Variants in ZNF185 observed in about 807,000 individuals in gnomAD.
The protein encoded by ZNF185 is zinc finger protein 185 with LIM domain.
A neutral mutation model predicts 58.6 loss-of-function variants in ZNF185; 56 were observed. The observed-to-expected ratio is 0.95, with a 90% CI of 0.77 to 1.19. The LOEUF (loss-of-function observed/expected upper bound fraction) is 1.19, where lower values mean the gene tolerates loss of function less well. Among genes scored for constraint, ZNF185 ranks in the 50% most tolerant of loss-of-function variants. The probability of loss-of-function intolerance (pLI) is 0.00; values close to 1 mark genes in which losing one functional copy is unlikely to be tolerated. For synonymous variants in ZNF185, 230 were observed against 215.9 expected, an observed-to-expected ratio of 1.07 and a Z score of -0.57; for missense variants, 627 against 573.5, an observed-to-expected ratio of 1.09 and a Z score of -0.95.
At chrX:152,946,714 T>C (rs2047822385) in intron 16 of ZNF185, among the ~76,000 whole-genome samples, 1 of 112,018 alleles carries the variant, frequency 8.9e-6, no homozygotes, top group Non-Finnish European at 1.9e-5. Flanking sequence ...TTTTGCCAGA[T>C]GTGCCAGACG....
chrX:152,929,057 C>T (rs782108407), intron 12 of ZNF185, among the ~76,000 whole-genome samples: 14 of 111,123 alleles, frequency 1.3e-4, no homozygotes, highest in Non-Finnish European at 2.3e-4. Context: ...ACCAGTCAGC[C>T]GTGCTGGGGA....
rs377262630 is a variant in ZNF185, at chrX:152,928,664, A to G, written c.917+3A>G. On this transcript the variant is annotated splice_donor_region_variant and intron_variant, in intron 12 of 22. Transcript: ENST00000449285. ...GCCCCAGACGTGGAAGGCATGAGGTATGGGGGTCCTGCTGCTGTCCTGGCT... is the reference window on the plus strand; with the variant it reads ...GCCCCAGACGTGGAAGGCATGAGGTGTGGGGGTCCTGCTGCTGTCCTGGCT... 2.8e-5 allele frequency: 34 copies of G among 1,207,379 alleles called. No individual in the cohort carries two copies. The East Asian group carries it at 7.1e-4, about 25-fold the overall frequency.
the ZNF185 span, among the ~76,000 whole-genome samples, chrX:152,899,816 C>G: frequency 8.9e-6 from 1 of 111,796 alleles, no homozygotes; most frequent in Non-Finnish European, 1.9e-5. Context: ...CGGCAGCCAC[C>G]AGGTCAAGGC....
At chrX:152,939,499 T>C (rs1295287778) in intron 15 of ZNF185, among the ~76,000 whole-genome samples, 2 of 112,271 alleles carry the variant, frequency 1.8e-5, no homozygotes, top group Non-Finnish European at 3.8e-5. Flanking sequence ...TACGAAAAAC[T>C]AGTTTATGAA....
chrX:152,958,938 A>T (rs1200858648), intron 16 of ZNF185, among the ~76,000 whole-genome samples: 2 of 112,104 alleles, frequency 1.8e-5, no homozygotes, highest in African/African-American at 6.5e-5. Context: ...GCGTGCCGCC[A>T]TTTCCTGCAG....
At chrX:152,936,773 AGGAG>A (rs2046336391) in intron 14 of ZNF185, among the ~76,000 whole-genome samples, 1 of 110,212 alleles carries the variant, frequency 9.1e-6, no homozygotes, top group Admixed American at 9.7e-5. Flanking sequence ...GGTGGCAGAG[AGGAG>A]GGCATCTGAA....
chrX:152,944,540 G>A (rs1277898660), intron 15 of ZNF185, among the ~76,000 whole-genome samples: 2 of 112,429 alleles, frequency 1.8e-5, no homozygotes, highest in Non-Finnish European at 3.8e-5. Context: ...GATGGGAGGG[G>A]TGTGGAAGTG....
upstream of ZNF185, among the ~76,000 whole-genome samples, chrX:152,912,661 G>C (rs1227341252): frequency 8.9e-6 from 1 of 112,151 alleles, no homozygotes; most frequent in Admixed American, 9.4e-5. Context: ...ATACTAGCTA[G>C]TACAGCCTAG....
At position 152,938,315 on chromosome X, in the gene ZNF185, C is replaced by G. The variant is rs185425467; in HGVS notation, c.1211+152C>G. ...AAGGGCAGAAGCCCCAACCAGAACC[C>G]TCTGGCTTCTGGGGCCAGGGAGCTT... On this transcript the variant is annotated intron_variant, in intron 15 of 22. Transcript: ENST00000449285. Among the ~76,000 whole-genome samples the G allele has an allele frequency of 1.9e-3, 219 of 112,753 alleles. 3 individuals carry two copies. Among genetic ancestry groups the G allele is most frequent in the African/African-American group, 6.8e-3 (210 of 31,040 alleles).
chrX:152,936,487 C>A (rs781981629), intron 14 of ZNF185: 1 of 1,166,691 alleles, frequency 8.6e-7, no homozygotes, highest in Non-Finnish European at 1.1e-6. Flanking sequence ...ACTCTCAGTC[C>A]TGCAAGCCTA....
upstream of ZNF185, among the ~76,000 whole-genome samples, chrX:152,911,149 C>G (rs1175141958): frequency 9.0e-6 from 1 of 111,566 alleles, no homozygotes; most frequent in Admixed American, 9.5e-5. Context: ...AGGGGAGCAC[C>G]CAGTAGGAGC....
intron 12 of ZNF185, among the ~76,000 whole-genome samples, chrX:152,929,399 A>G (rs1032453690): frequency 1.8e-5 from 2 of 110,804 alleles, no homozygotes; most frequent in African/African-American, 6.6e-5. Context: ...GACTGGGGAG[A>G]GAAGCGGGAG....
chrX:152,911,986 CCCATCCCAT>C (rs1209286391), upstream of ZNF185, among the ~76,000 whole-genome samples: 4 of 102,217 alleles, frequency 3.9e-5, no homozygotes, highest in African/African-American at 1.4e-4. Context: ...ATCCGTCTAT[CCCATCCCAT>C]CCATCCCATC....
intron 11 of ZNF185, among the ~76,000 whole-genome samples, chrX:152,923,031 A>G (rs782141155): frequency 5.3e-5 from 6 of 112,301 alleles, no homozygotes; most frequent in Non-Finnish European, 9.4e-5. Flanking sequence ...GTGGACAACT[A>G]ATACCTTCTT....
At chrX:152,937,936 T>A (rs1205557053) in intron 14 of ZNF185, 138 bp from the exon 17 acceptor site, 4 of 544,645 alleles carry the variant, frequency 7.3e-6, no homozygotes, top group Admixed American at 6.6e-5. Context: ...GCCACACTAA[T>A]GCCAGGACTG....
chrX:152,962,244 G>A (rs2049574979), intron 17 of ZNF185, among the ~76,000 whole-genome samples: 1 of 110,518 alleles, frequency 9.0e-6, no homozygotes, highest in Non-Finnish European at 1.9e-5. Flanking sequence ...GCTATTGGGA[G>A]GGCTCCTATT....
the ZNF185 span, among the ~76,000 whole-genome samples, chrX:152,899,114 G>A: frequency 8.9e-6 from 1 of 112,117 alleles, no homozygotes; most frequent in African/African-American, 3.2e-5. Flanking sequence ...CCGTCGGCAC[G>A]AAGCCTTGGC....
rs186296315 is a variant in ZNF185 at position 152,932,815 on chromosome X, G to A, written c.1023-58G>A. 1.3e-4 allele frequency: 116 copies of A among 871,223 alleles called. 1 individual carries two copies. In the East Asian group the frequency reaches 2.2e-3, roughly 16 times the overall value. 71.8% of individuals were successfully genotyped at this position (871,223 alleles called of 1,213,427 possible). Reference sequence around the variant, plus strand: ...CTTGAGGCCCACTCTCATGGCATCTGGGTTAGATGAGATCAAAACGCAACT... The same window carrying A: ...CTTGAGGCCCACTCTCATGGCATCTAGGTTAGATGAGATCAAAACGCAACT... On this transcript the variant is annotated intron_variant, in intron 13 of 22. Coordinates refer to ENST00000449285, the Ensembl canonical transcript of ZNF185.
chrX:152,970,257 C>CT (rs1311269175), intron 21 of ZNF185, among the ~76,000 whole-genome samples, 186 bp from the exon 24 acceptor site: 5 of 110,204 alleles, frequency 4.5e-5, no homozygotes, highest in South Asian at 3.9e-4. Context: ...AAAAAAAAGG[C>CT]TTTTTTTTGT....
Sources: allele counts gnomAD v4.1 joint callset (sites outside exome capture counted in the v4.1 genomes callset), GRCh38; gene constraint gnomAD v4.1.1; transcripts MANE v1.5; gene names NCBI Gene and HGNC (gene_info 2026-07-23, HGNC 2026-07-21).